Variants in THRB observed in about 807,000 individuals in gnomAD.
The protein encoded by THRB is nuclear receptor subfamily 1 group A member 2.
Under a neutral mutation model 47.8 loss-of-function variants are expected in THRB, and 12 were observed. The observed-to-expected ratio is 0.25, with a 90% CI of 0.16 to 0.41. THRB has a LOEUF of 0.41. Ranked by LOEUF, THRB falls within the 10% of genes least tolerant of loss-of-function variation. THRB has a pLI of 1.00. For missense variants in THRB, 348 were observed against 589.2 expected, an observed-to-expected ratio of 0.59 and a Z score of 4.24; for synonymous variants, 218 against 212.2, an observed-to-expected ratio of 1.03 and a Z score of -0.24.
intron 2 of THRB, among the ~76,000 whole-genome samples, chr3:24,301,154 C>A (rs1046119819): frequency 5.9e-5 from 9 of 152,182 alleles, no homozygotes; most frequent in Non-Finnish European, 1.3e-4. Context: ...GGATTCACTC[C>A]TAGAGCCTTC....
At chr3:24,473,647 T>C (rs112655373) in intron 1 of THRB, among the ~76,000 whole-genome samples, 6 of 152,308 alleles carry the variant, frequency 3.9e-5, no homozygotes, top group African/African-American at 1.4e-4. Context: ...CACATATGTT[T>C]ATTGCAGCAC....
chr3:24,183,866 TATG>T (rs961715729), intron 5 of THRB, among the ~76,000 whole-genome samples: 2 of 152,164 alleles, frequency 1.3e-5, no homozygotes, highest in Non-Finnish European at 2.9e-5. Flanking sequence ...CTGTAAAGCA[TATG>T]ATAATAACAT....
At chr3:24,261,114 G>C (rs2051925956) in intron 3 of THRB, among the ~76,000 whole-genome samples, 1 of 152,180 alleles carries the variant, frequency 6.6e-6, no homozygotes, top group Admixed American at 6.5e-5. Flanking sequence ...ACATGTTGCA[G>C]AAATTCTCTC....
chr3:24,406,250 G>T (rs1198920069), intron 1 of THRB, among the ~76,000 whole-genome samples: 1 of 151,300 alleles, frequency 6.6e-6, no homozygotes, highest in Non-Finnish European at 1.5e-5. Context: ...AATATATAGA[G>T]AATTTTATAA....
rs1212273112 is a variant in THRB, at chr3:24,227,849, C to A, written c.22+1089G>T. 2.0e-5 allele frequency among the ~76,000 whole-genome samples: 3 copies of A among 152,064 alleles called. No homozygotes were observed. In the East Asian group the frequency reaches 5.8e-4, roughly 29 times the overall value. ...AGGACCTGCCCTGTTGCCATGGTAACAAAAAGGACAGTGGTGGACTTGCTG... is the reference window on the plus strand; with the variant it reads ...AGGACCTGCCCTGTTGCCATGGTAAAAAAAAGGACAGTGGTGGACTTGCTG... On this transcript the variant is annotated intron_variant, in intron 4 of 10. Transcript: ENST00000646209.
intron 3 of THRB, among the ~76,000 whole-genome samples, chr3:24,251,808 C>T (rs1576315941): frequency 6.6e-6 from 1 of 152,000 alleles, no homozygotes; most frequent in South Asian, 2.1e-4. Context: ...TCCTCAATTA[C>T]TTTTGTAAAT....
chr3:24,152,897 G>C (rs1326289080), intron 5 of THRB, among the ~76,000 whole-genome samples: 1 of 151,752 alleles, frequency 6.6e-6, no homozygotes, highest in African/African-American at 2.4e-5. Context: ...AGGAGGCAGA[G>C]GTTGCAGTGA....
chr3:24,346,150 T>A (rs2063000436), intron 1 of THRB, among the ~76,000 whole-genome samples: 1 of 152,136 alleles, frequency 6.6e-6, no homozygotes, highest in African/African-American at 2.4e-5. Context: ...TTGTTATATC[T>A]TGTGGGATTT....
At chr3:24,278,428 G>A (rs1379020522) in intron 3 of THRB, among the ~76,000 whole-genome samples, 1 of 152,138 alleles carries the variant, frequency 6.6e-6, no homozygotes, top group African/African-American at 2.4e-5. Flanking sequence ...CAAATGCCTG[G>A]CCCAAAAGCA....
intron 1 of THRB, among the ~76,000 whole-genome samples, chr3:24,366,768 A>T (rs1222310404): frequency 1.3e-5 from 2 of 151,718 alleles, no homozygotes; most frequent in Admixed American, 1.3e-4. Flanking sequence ...TTACAGGCAC[A>T]TGCCACCACA....
intron 8 of THRB, among the ~76,000 whole-genome samples, chr3:24,139,022 T>G (rs2035075756): frequency 6.6e-6 from 1 of 152,306 alleles, no homozygotes; most frequent in Admixed American, 6.5e-5. Context: ...AGAAGCGAGC[T>G]ACCCTTGGTG....
intron 5 of THRB, among the ~76,000 whole-genome samples, chr3:24,154,789 T>C (rs905996699): frequency 5.9e-5 from 9 of 152,236 alleles, no homozygotes; most frequent in East Asian, 1.9e-4. Flanking sequence ...GAACCTCTTA[T>C]ACCTCGAGGT....
chr3:24,146,779 T>C lies in THRB; in HGVS notation c.428A>G (p.Tyr143Cys). The C allele has an allele frequency of 6.2e-7, 1 of 1,613,954 alleles. No homozygotes were observed. Among genetic ancestry groups the C allele is most frequent in the Non-Finnish European group, 8.5e-7 (1 of 1,179,824 alleles). The change falls in exon 7 of 11, where the codon TAT (tyrosine) becomes TGT (cysteine). Residue 143 changes from tyrosine (Y) to cysteine (C), a missense_variant. Tyr to Cys is a radical substitution (Grantham distance 194). Around this residue, in one of 5 missense-constraint regions of THRB, gnomAD observed 112 missense variants for 212.3 expected, o/e 0.53. Coordinates refer to ENST00000646209, the MANE Select transcript of THRB (RefSeq NM_001354712.2). Reference protein sequence around the residue: ...RTIQKNLHPSYSCKYEGKCVI... With the variant: ...RTIQKNLHPSCSCKYEGKCVI... ...ACATTTTCCTTCATATTTACAGGAA[T>C]AGGATGGATGGAGATTTTTCTGAAT...
At chr3:24,155,122 G>T (rs925099746) in intron 5 of THRB, among the ~76,000 whole-genome samples, 8 of 152,172 alleles carry the variant, frequency 5.3e-5, no homozygotes, top group African/African-American at 1.9e-4. Flanking sequence ...CCTACCTGTA[G>T]TTCAACAATT....
At position 24,128,951 on chromosome 3, in the gene THRB, T is replaced by G. The variant is rs143250133; in HGVS notation, c.886-1194A>C. On this transcript the variant is annotated intron_variant, in intron 9 of 10. Coordinates refer to ENST00000646209, the MANE Select transcript of THRB (RefSeq NM_001354712.2). ...ATGTGAGTTACACCTAATATCTGTC[T>G]CTTCATTAGAGCAGTTACAAATTCC... 8.9e-3 allele frequency among the ~76,000 whole-genome samples: 1,310 copies of G among 147,308 alleles called. 27 individuals carry two copies. Among genetic ancestry groups the G allele is most frequent in the African/African-American group, 0.031 (1,250 of 40,800 alleles).
At chr3:24,295,458 G>T (rs143563270) in intron 3 of THRB, among the ~76,000 whole-genome samples, 2 of 152,306 alleles carry the variant, frequency 1.3e-5, no homozygotes, top group African/African-American at 2.4e-5. Flanking sequence ...TTGAGTGATT[G>T]AATGGTACTT....
chr3:24,190,818 C>T (rs2043235359), intron 4 of THRB, among the ~76,000 whole-genome samples: 1 of 150,648 alleles, frequency 6.6e-6, no homozygotes, highest in Admixed American at 6.6e-5. Context: ...GGGACGTGCT[C>T]ACGTGGCCAC....
intron 1 of THRB, among the ~76,000 whole-genome samples, chr3:24,409,525 C>G (rs1210928254): frequency 6.6e-6 from 1 of 151,778 alleles, no homozygotes. Context: ...CTCTGACTAA[C>G]TTCTACCCCT....
intron 5 of THRB, among the ~76,000 whole-genome samples, chr3:24,153,654 A>C (rs987779227): frequency 2.0e-5 from 3 of 152,144 alleles, no homozygotes; most frequent in Non-Finnish European, 4.4e-5. Flanking sequence ...GAGGATGCCC[A>C]GACACAAGAT....
Sources: gnomAD v4.1 joint callset for allele counts (sites outside exome capture counted in the v4.1 genomes callset) on GRCh38, gnomAD v4.1.1 for gene constraint, gnomAD v4.1.1 regional missense constraint, MANE v1.5 for transcripts, NCBI Gene and HGNC (gene_info 2026-07-23, HGNC 2026-07-21) for gene names.